The following DLGAP1 variants were observed in gnomAD, a reference collection of about 807,000 sequenced individuals.
The protein encoded by DLGAP1 is disks large-associated protein 1.
A neutral mutation model predicts 90.8 loss-of-function variants in DLGAP1; 11 were observed. The ratio of observed to expected loss-of-function variants is 0.12; its 90% CI spans 0.08 to 0.20. DLGAP1 has a LOEUF of 0.20. Among genes scored for constraint, DLGAP1 ranks in the 10% least tolerant of loss-of-function variants. DLGAP1 has a pLI of 1.00. For synonymous variants in DLGAP1, 558 were observed against 540.7 expected, an observed-to-expected ratio of 1.03 and a Z score of -0.44; for missense variants, 1,050 against 1,333.8, an observed-to-expected ratio of 0.79 and a Z score of 3.31.
chr18:4,448,246 A>G (rs1010288811), intron 1 of DLGAP1, among the ~76,000 whole-genome samples: 1 of 152,162 alleles, frequency 6.6e-6, no homozygotes. Flanking sequence ...CACCAGTTTC[A>G]TTCTGTAACC....
chr18:4,200,089 C>T (rs2077579535), intron 1 of DLGAP1, among the ~76,000 whole-genome samples: 1 of 152,072 alleles, frequency 6.6e-6, no homozygotes, highest in South Asian at 2.1e-4. Context: ...TAGTCTGCTA[C>T]AATTGGATTC....
intron 1 of DLGAP1, among the ~76,000 whole-genome samples, chr18:4,200,486 C>A (rs2077587697): frequency 6.6e-6 from 1 of 151,374 alleles, no homozygotes; most frequent in South Asian, 2.1e-4. Context: ...TTTAGTTGAT[C>A]CCTTTTGATT....
At chr18:4,117,892 T>A (rs1448404593) in intron 2 of DLGAP1, among the ~76,000 whole-genome samples, 1 of 152,196 alleles carries the variant, frequency 6.6e-6, no homozygotes, top group Admixed American at 6.5e-5. Flanking sequence ...GCTTCTGCCC[T>A]TTGTGGATTA....
intron 1 of DLGAP1, among the ~76,000 whole-genome samples, chr18:4,386,168 T>A (rs596536): frequency 1 from 152,077 of 152,274 alleles, 75,941 homozygotes; most frequent in Middle Eastern, 1. Context: ...ATGTCCCCGT[T>A]CTAATATAGC....
chr18:4,109,405 G>A (rs12953357), intron 2 of DLGAP1, among the ~76,000 whole-genome samples: 44,495 of 151,948 alleles, frequency 0.29, 6,732 homozygotes, highest in South Asian at 0.36. Flanking sequence ...GTACATCAGC[G>A]TGGGGCATTA....
At chr18:4,291,678 A>G (rs1311238738) in intron 1 of DLGAP1, among the ~76,000 whole-genome samples, 2 of 152,148 alleles carry the variant, frequency 1.3e-5, no homozygotes, top group African/African-American at 4.8e-5. Context: ...ATAAGATGCT[A>G]TATAATACTT....
chr18:3,911,092 A>C (rs2072023417), intron 3 of DLGAP1, among the ~76,000 whole-genome samples: 1 of 152,178 alleles, frequency 6.6e-6, no homozygotes, highest in Non-Finnish European at 1.5e-5. Context: ...TCCTGTTAGA[A>C]AGTTTTAGAT....
At chr18:4,201,537 A>G (rs1024311336) in intron 1 of DLGAP1, among the ~76,000 whole-genome samples, 2 of 152,138 alleles carry the variant, frequency 1.3e-5, no homozygotes, top group African/African-American at 4.8e-5. Flanking sequence ...TTGTAATATA[A>G]TTTGAAGTTG....
At chr18:3,877,488 C>A (rs973049614) in intron 4 of DLGAP1, among the ~76,000 whole-genome samples, 11 of 151,996 alleles carry the variant, frequency 7.2e-5, no homozygotes, top group Admixed American at 5.2e-4. Context: ...TTGTTTTTGC[C>A]ACTGGTCATA....
chr18:3,651,922 G>C (rs1360859499), intron 7 of DLGAP1, among the ~76,000 whole-genome samples: 1 of 151,988 alleles, frequency 6.6e-6, no homozygotes, highest in Non-Finnish European at 1.5e-5. Context: ...AGCGAGCCGA[G>C]ATCACGCCAC....
At chr18:3,675,162 C>G (rs1253229503) in intron 7 of DLGAP1, among the ~76,000 whole-genome samples, 1 of 152,170 alleles carries the variant, frequency 6.6e-6, no homozygotes, top group Non-Finnish European at 1.5e-5. Context: ...ATCTTTGCCT[C>G]CTGGTTCAAG....
intron 6 of DLGAP1, among the ~76,000 whole-genome samples, chr18:3,731,716 T>A (rs2062438707): frequency 6.6e-6 from 1 of 152,134 alleles, no homozygotes; most frequent in Non-Finnish European, 1.5e-5. Context: ...GCTAAACTTA[T>A]ATTCTTAACA....
intron 7 of DLGAP1, chr18:3,594,119 C>A (rs1268285405): frequency 6.6e-6 from 1 of 152,290 alleles, no homozygotes; most frequent in Admixed American, 6.6e-5. Context: ...TCCACAGCAG[C>A]TGCCCCTGCA....
rs182287391 is a variant in DLGAP1, at chr18:4,036,763, A to G, written c.-158-31562T>C. Among the ~76,000 whole-genome samples, 25 of 152,324 alleles carry G rather than the reference A, an allele frequency of 1.6e-4. 1 individual carries two copies. Among genetic ancestry groups the G allele is most frequent in the Admixed American group, 8.5e-4 (13 of 15,288 alleles). ...TTTTCAGGGGGGGAAGGCCTGAAAG[A>G]AGGGGAGTTGTAAATTTCTCATGCT... On this transcript the variant is annotated intron_variant, in intron 2 of 12. Transcript: ENST00000315677.
At chr18:4,296,480 G>A (rs2079985073) in intron 1 of DLGAP1, among the ~76,000 whole-genome samples, 1 of 152,200 alleles carries the variant, frequency 6.6e-6, no homozygotes, top group Admixed American at 6.5e-5. Flanking sequence ...CATTCACAGT[G>A]TTATACCTGT....
At chr18:4,137,702 G>A (rs187370709) in intron 2 of DLGAP1, among the ~76,000 whole-genome samples, 10 of 152,230 alleles carry the variant, frequency 6.6e-5, no homozygotes, top group South Asian at 4.1e-4. Context: ...CACTGAGTCC[G>A]TAGATTGCTT....
chr18:3,896,045 A>G lies in DLGAP1; in HGVS notation c.-72-15905T>C, dbSNP rs530248258. 9 of 152,384 alleles carry G rather than the reference A, an allele frequency of 5.9e-5. No homozygotes were observed. In the East Asian group the frequency reaches 9.6e-4, roughly 16 times the overall value. The allele number at this position is 152,384 out of a possible 1,614,324, so 9.4% of individuals were successfully genotyped here. A position where few individuals can be genotyped will look rare whatever the true frequency, so the allele number is the denominator to read the frequency against. ...TCTAACTAGTATTTTTGAATCTAGA[A>G]AAAATACAAGCTTTGCTTTATTAAT... On this transcript the variant is annotated intron_variant, in intron 3 of 12. Coordinates refer to ENST00000315677, the MANE Select transcript of DLGAP1 (RefSeq NM_004746.4).
chr18:3,922,842 C>T lies in DLGAP1; in HGVS notation c.-72-42702G>A, dbSNP rs552196229. ...TACTGTCAAATTTATTTTCAAAAAGCATGCACTAGGCCGAGTGTCGTGGTT... is the reference window on the plus strand; with the variant it reads ...TACTGTCAAATTTATTTTCAAAAAGTATGCACTAGGCCGAGTGTCGTGGTT... On this transcript the variant is annotated intron_variant, in intron 3 of 12. Coordinates refer to ENST00000315677, the MANE Select transcript of DLGAP1 (RefSeq NM_004746.4). Among the ~76,000 whole-genome samples the T allele has an allele frequency of 8.5e-5, 13 of 152,124 alleles. No homozygotes were observed. In the East Asian group the frequency reaches 2.5e-3, roughly 29 times the overall value.
intron 1 of DLGAP1, among the ~76,000 whole-genome samples, chr18:4,214,456 C>A (rs1274644039): frequency 1.3e-5 from 2 of 152,106 alleles, no homozygotes; most frequent in African/African-American, 2.4e-5. Flanking sequence ...GCTAGGCACA[C>A]AGAGGATACA....
Sources: gnomAD v4.1 joint callset for allele counts (sites outside exome capture counted in the v4.1 genomes callset) on GRCh38, gnomAD v4.1.1 for gene constraint, MANE v1.5 for transcripts, NCBI Gene and HGNC (gene_info 2026-07-23, HGNC 2026-07-21) for gene names.